MTMR10: variants seen among roughly 807,000 people sequenced by gnomAD.
MTMR10 encodes the protein myotubularin related protein 10.
A neutral mutation model predicts 88.1 loss-of-function variants in MTMR10; 56 were observed. The observed-to-expected ratio is 0.64, with a 90% CI of 0.51 to 0.79. The LOEUF is 0.79. Ranked by LOEUF, MTMR10 falls within the 30% of genes least tolerant of loss-of-function variation. The pLI, the probability that MTMR10 is intolerant of heterozygous loss-of-function variation, is 0.00. For synonymous variants in MTMR10, 380 were observed against 340.9 expected (o/e 1.11, Z -1.26); for missense variants, 883 against 924.7 (o/e 0.95, Z 0.58).
the MTMR10 span, among the ~76,000 whole-genome samples, chr15:30,919,516 C>A: frequency 1.7e-4 from 26 of 151,232 alleles, no homozygotes; most frequent in Admixed American, 1.7e-3. Context: ...CATGGTGAAA[C>A]CTCGTCTCTA....
chr15:30,935,117 G>C (rs1234572818), downstream of MTMR10, among the ~76,000 whole-genome samples: 1 of 151,988 alleles, frequency 6.6e-6, no homozygotes, highest in African/African-American at 2.4e-5. Flanking sequence ...ACCAGCTTGG[G>C]CAAACACAGT....
chr15:30,919,417 G>C, the MTMR10 span, among the ~76,000 whole-genome samples: 270 of 148,480 alleles, frequency 1.8e-3, no homozygotes, highest in Non-Finnish European at 2.9e-3. Context: ...GGGGCTGGGC[G>C]TGGTGGCTCA....
At chr15:30,927,689 C>A in the MTMR10 span, 2 of 985,624 alleles carry the variant, frequency 2.0e-6, no homozygotes, top group Non-Finnish European at 2.4e-6. Context: ...GTCAGCACCT[C>A]CTCTGGCCAG....
chr15:30,928,750 C>G, the MTMR10 span: 2 of 1,586,416 alleles, frequency 1.3e-6, no homozygotes. Context: ...CCAGCAGAAA[C>G]CATCTCTGTT....
chr15:30,943,526 G>C, intron 14 of MTMR10: 1 of 985,384 alleles, frequency 1.0e-6, no homozygotes, highest in Non-Finnish European at 1.2e-6. Flanking sequence ...AACTTACTTC[G>C]TAAGTGGGGA....
Position 30,941,711 on chromosome 15 carries a change from T to C in MTMR10, c.2093A>G (p.Gln698Arg), listed in dbSNP as rs1350275108. The change falls in exon 16 of 16, where the codon CAA becomes CGA. Residue 698 changes from glutamine to arginine, a missense_variant. Physicochemically the swap from Gln to Arg is conservative, Grantham distance 43 (BLOSUM62 1). This residue lies in a region of MTMR10 where 343 missense variants were observed against 323.2 expected (regional missense o/e 1.06). Transcript: ENST00000435680. ...GGCCTCCAGGGGGCCACTGCGCTGT[T>C]GCCGCAGCATCCTGCTCAGTACGTC... is the stretch of plus-strand genomic sequence containing the variant. ...EVDVLSRMLR[Q>R]QRSGPLEACY... is the part of the protein sequence containing the mutation. The C allele has an allele frequency of 6.8e-6, 11 of 1,613,760 alleles. No homozygotes were observed. The highest frequency in any genetic ancestry group is 9.3e-6 in the Non-Finnish European group (11 of 1,179,848).
the MTMR10 span, among the ~76,000 whole-genome samples, chr15:30,919,900 A>G: frequency 3.3e-5 from 5 of 152,174 alleles, no homozygotes; most frequent in Admixed American, 2.0e-4. Flanking sequence ...TGTGCAGTTT[A>G]AACCCATGTT....
chr15:30,948,616 C>A, intron 12 of MTMR10, 145 bp from the exon 13 acceptor site: 1 of 741,196 alleles, frequency 1.3e-6, no homozygotes, highest in Non-Finnish European at 2.2e-6. Flanking sequence ...TGGATTCCAG[C>A]AACTCTAAAA....
At chr15:30,965,453 T>G (rs2063461454) in intron 6 of MTMR10, among the ~76,000 whole-genome samples, 2 of 152,202 alleles carry the variant, frequency 1.3e-5, no homozygotes. Context: ...TTCAATATTT[T>G]TGGTCCAGAA....
At chr15:30,964,620 A>G (rs1343834846) in intron 6 of MTMR10, among the ~76,000 whole-genome samples, 2 of 152,176 alleles carry the variant, frequency 1.3e-5, no homozygotes, top group South Asian at 2.1e-4. Context: ...AATGCTTTCC[A>G]AAGTTCAAAA....
the MTMR10 span, chr15:30,927,164 G>C: frequency 3.2e-6 from 3 of 946,706 alleles, no homozygotes; most frequent in African/African-American, 5.3e-5. Context: ...AGCCAAGATT[G>C]TGCCACTGCA....
chr15:30,920,461 T>A, the MTMR10 span: 1 of 869,562 alleles, frequency 1.2e-6, no homozygotes, highest in South Asian at 1.5e-5. Context: ...AAGATAGGAA[T>A]TCAGTCTGCT....
rs1011842390 is a variant in MTMR10 at position 30,943,920 on chromosome 15, A to G, written c.1549-848T>C. The G allele has an allele frequency of 4.1e-6, 4 of 985,344 alleles. No homozygotes were observed. The African/African-American group carries it at 7.0e-5, about 17-fold the overall frequency. The allele number at this position is 985,344 out of a possible 1,614,324, so 61.0% of individuals were successfully genotyped here. On this transcript the variant is annotated intron_variant, in intron 14 of 15. Transcript: ENST00000435680. ...AGGCTACCACAGCAGTGTATACACA[A>G]CAGTTCGCTGGAGGAAATAACTCCA...
At chr15:30,922,034 T>C in the MTMR10 span, among the ~76,000 whole-genome samples, 1 of 152,102 alleles carries the variant, frequency 6.6e-6, no homozygotes, top group South Asian at 2.1e-4. Context: ...GGGTGAAGAG[T>C]GAGGATGCCT....
chr15:30,967,932 AT>A lies in MTMR10; in HGVS notation c.552del (p.Lys184AsnfsTer66). 6.4e-7 allele frequency: 1 copy of A among 1,555,654 alleles called. No individual in the cohort carries two copies. Among genetic ancestry groups the A allele is most frequent in the South Asian group, 1.2e-5 (1 of 84,098 alleles). On this transcript the variant is annotated frameshift_variant, in exon 6 of 16. Coordinates refer to ENST00000435680, the MANE Select transcript of MTMR10 (RefSeq NM_017762.3). LOFTEE classifies it high-confidence loss of function. ...TTTTCATATTTACCTGAATTGTGGT[AT>A]TTTTTCCCAACATATTCAAATGCAA... ...LLFAFEYVGK[K>X]YHNSANKING...
chr15:30,929,517 CAT>C, the MTMR10 span: 3 of 472,590 alleles, frequency 6.3e-6, no homozygotes, highest in African/African-American at 2.4e-5. Context: ...TATGTGTGTG[CAT>C]ATATATGATA....
intron 2 of MTMR10, among the ~76,000 whole-genome samples, chr15:30,983,180 A>G (rs2030705045): frequency 6.6e-6 from 1 of 152,226 alleles, no homozygotes; most frequent in Non-Finnish European, 1.5e-5. Flanking sequence ...CTATGCCATC[A>G]GCCACGGTGG....
rs1455431931 is a variant in MTMR10 at position 30,941,226 on chromosome 15, A to G, written c.*244T>C. 2 of 1,410,448 alleles carry G rather than the reference A, an allele frequency of 1.4e-6. No homozygotes were observed. Among genetic ancestry groups the G allele is most frequent in the Non-Finnish European group, 1.9e-6 (2 of 1,068,248 alleles). 87.4% of individuals were successfully genotyped at this position (1,410,448 alleles called of 1,614,324 possible). A position where few individuals can be genotyped will look rare whatever the true frequency, so the allele number is the denominator to read the frequency against. ...CAAAAATGTAGCAGACAACATGAACAGTTTGATCACGGTTACAAGAGCCAG... is the reference window on the plus strand; with the variant it reads ...CAAAAATGTAGCAGACAACATGAACGGTTTGATCACGGTTACAAGAGCCAG... On this transcript the variant is annotated 3_prime_UTR_variant, in exon 16 of 16. Coordinates refer to ENST00000435680, the MANE Select transcript of MTMR10 (RefSeq NM_017762.3).
Position 30,954,823 on chromosome 15 carries a change from A to T in MTMR10, c.1006T>A (p.Leu336Met), listed in dbSNP as rs751932093. 6.3e-7 allele frequency: 1 copy of T among 1,596,720 alleles called. No homozygotes were observed. Among genetic ancestry groups the T allele is most frequent in the Non-Finnish European group, 8.5e-7 (1 of 1,170,162 alleles). Residue 336 changes from leucine to methionine, a missense_variant, in exon 10 of 16, where the codon TTG becomes ATG. Leu to Met is a conservative substitution (Grantham distance 15). Around this residue, in one of 3 missense-constraint regions of MTMR10, gnomAD observed 414 missense variants for 423.2 expected, o/e 0.98. Transcript: ENST00000435680. ...GCCTGTACTTCTTGAATATTAGGCAAGGTCTTATCCAAATCTGATTTGTAA... is the reference window on the plus strand; with the variant it reads ...GCCTGTACTTCTTGAATATTAGGCATGGTCTTATCCAAATCTGATTTGTAA... ...DVYKSDLDKT[L>M]PNIQEVQAAF...
Sources: gnomAD v4.1 joint callset for allele counts (sites outside exome capture counted in the v4.1 genomes callset) on GRCh38, gnomAD v4.1.1 for gene constraint, gnomAD v4.1.1 regional missense constraint, MANE v1.5 for transcripts, NCBI Gene and HGNC (gene_info 2026-07-23, HGNC 2026-07-21) for gene names.